Variants in ZNF28 observed in about 807,000 individuals in gnomAD.
ZNF28 encodes zinc finger protein KOX24.
In ZNF28, 5 loss-of-function variants were observed where a neutral mutation model predicts 7.2. That is an observed-to-expected ratio of 0.70 (90% confidence interval 0.36 to 1.46). The LOEUF is 1.46. ZNF28 is among the 40% of genes most tolerant of loss of function. The pLI is 0.03. For synonymous variants in ZNF28, 288 were observed against 292.4 expected, an observed-to-expected ratio of 0.99 and a Z score of 0.15; for missense variants, 879 against 866.6, an observed-to-expected ratio of 1.01 and a Z score of -0.18.
At position 52,800,637 on chromosome 19, in the gene ZNF28, C is replaced by A. The variant is rs57548937; in HGVS notation, c.1208G>T (p.Arg403Met). ...GTATGGTTTCTCTCCAGTATGAATC[C>A]TCTTATGTCTTTCAAGATGTGATTT... is the stretch of plus-strand genomic sequence containing the variant. ...SRKSHLERHK[R>M]IHTGEKPYKC... The change falls in exon 4 of 4, where the codon AGG becomes ATG. Residue 403 changes from arginine (R) to methionine (M), a missense_variant. By Grantham distance (91) the Arg-to-Met change is moderately conservative. Around this residue, in one of 2 missense-constraint regions of ZNF28, gnomAD observed 864 missense variants for 830.2 expected, o/e 1.04. Coordinates refer to ENST00000457749, the MANE Select transcript of ZNF28 (RefSeq NM_006969.5). 1,003 of 1,613,060 alleles carry A rather than the reference C, an allele frequency of 6.2e-4. 1 individual carries two copies. Among genetic ancestry groups the A allele is most frequent in the Admixed American group, 1.2e-3 (72 of 59,916 alleles).
rs1300982965 is a variant in ZNF28 at position 52,800,994 on chromosome 19, G to A, written c.851C>T (p.Thr284Ile). 2 of 1,614,160 alleles carry A rather than the reference G, an allele frequency of 1.2e-6. No homozygotes were observed. The highest frequency in any genetic ancestry group is 1.1e-5 in the South Asian group (1 of 91,084). ...AAGCGCCTTGTGAAGGAAGAGGGAT[G>A]TATTGTGACCAAAGATCTTGCCACA... ...NECGKIFGHNTSLFLHKALHT... is the reference protein window; with the variant it reads ...NECGKIFGHNISLFLHKALHT... Residue 284 changes from threonine to isoleucine, a missense_variant, in exon 4 of 4, where the codon ACA (threonine) becomes ATA (isoleucine). Transcript: ENST00000457749.
At chr19:52,821,563 A>C (rs1346650587) in intron 1 of ZNF28, 23 bp downstream of exon 1, 1 of 152,120 alleles carries the variant, frequency 6.6e-6, no homozygotes, top group African/African-American at 2.4e-5. Flanking sequence ...CTCAGACTTA[A>C]CACCACACAG....
rs1568659582 is a variant in ZNF28 at position 52,814,519 on chromosome 19, G to A, written c.15+3425C>T. The A allele has an allele frequency of 3.4e-5, 5 of 146,056 alleles. 1 individual carries two copies. In the South Asian group the frequency reaches 1.1e-3, roughly 34 times the overall value. 9.0% of individuals were successfully genotyped at this position (146,056 alleles called of 1,614,324 possible). Reference sequence around the variant, plus strand: ...TAAAACAGGAGAATCACTTGAACCTGGGAGGCAGAGGCTGCAGTGATCCGA... The same window carrying A: ...TAAAACAGGAGAATCACTTGAACCTAGGAGGCAGAGGCTGCAGTGATCCGA... On this transcript the variant is annotated intron_variant, in intron 2 of 3. Coordinates refer to ENST00000457749, the MANE Select transcript of ZNF28 (RefSeq NM_006969.5).
chr19:52,803,920 G>A (rs538102073), intron 3 of ZNF28, among the ~76,000 whole-genome samples: 1 of 152,102 alleles, frequency 6.6e-6, no homozygotes, highest in East Asian at 1.9e-4. Flanking sequence ...TCATGCCACT[G>A]CATTCCAGCC....
At chr19:52,807,759 G>C in intron 3 of ZNF28, 1 of 640,278 alleles carries the variant, frequency 1.6e-6, no homozygotes. Flanking sequence ...ACAGGCGTGA[G>C]CCACCACGAC....
Position 52,799,292 on chromosome 19 carries a change from T to C in ZNF28, c.*396A>G. On this transcript the variant is annotated 3_prime_UTR_variant, in exon 4 of 4. Transcript: ENST00000457749. Reference sequence around the variant, plus strand: ...TGTAAGGTTTCTCTCCAGTTTGAATTCTAATATGTTTTGCCAGGTATGAAT... The same window carrying C: ...TGTAAGGTTTCTCTCCAGTTTGAATCCTAATATGTTTTGCCAGGTATGAAT... The C allele has an allele frequency of 9.8e-6, 4 of 409,868 alleles. No homozygotes were observed. Among genetic ancestry groups the C allele is most frequent in the South Asian group, 2.6e-5 (1 of 37,838 alleles). 25.4% of individuals were successfully genotyped at this position (409,868 alleles called of 1,614,324 possible). A position where few individuals can be genotyped will look rare whatever the true frequency, so the allele number is the denominator to read the frequency against.
chr19:52,800,866 A>G lies in ZNF28; in HGVS notation c.979T>C (p.Tyr327His). ...GCTTTGTCACAAACCTTACATTTGT[A>G]TGGTTTCCCTCCAGTATAAATTATC... ...HKIIYTGGKP[Y>H]KCKVCDKAFT... Residue 327 changes from tyrosine (Y) to histidine (H), a missense_variant, in exon 4 of 4, where the codon TAC becomes CAC. Physicochemically the swap from Tyr to His is moderately conservative, Grantham distance 83. Transcript: ENST00000457749. The G allele has an allele frequency of 6.2e-7, 1 of 1,614,034 alleles. No homozygotes were observed. The highest frequency in any genetic ancestry group is 1.1e-5 in the South Asian group (1 of 91,084).
chr19:52,813,156 T>C (rs1477697539), intron 2 of ZNF28, among the ~76,000 whole-genome samples: 3 of 149,632 alleles, frequency 2.0e-5, no homozygotes, highest in African/African-American at 4.9e-5. Flanking sequence ...ACGCTACTCA[T>C]AGTAATTGCT....
At chr19:52,807,538 T>A (rs1331124823) in intron 3 of ZNF28, among the ~76,000 whole-genome samples, 1 of 152,178 alleles carries the variant, frequency 6.6e-6, no homozygotes, top group African/African-American at 2.4e-5. Context: ...CAGTGGTGTG[T>A]TCTCAGCTCA....
Position 52,799,749 on chromosome 19 carries a change from G to T in ZNF28, c.2096C>A (p.Thr699Asn). 6.2e-7 allele frequency: 1 copy of T among 1,613,668 alleles called. No individual in the cohort carries two copies. Among genetic ancestry groups the T allele is most frequent in the South Asian group, 1.1e-5 (1 of 91,038 alleles). ...KPYKCNECGK[T>N]FSQMSNLVYH... is the part of the protein sequence containing the mutation. ...TACAAGGTTTGACATCTGACTGAAG[G>T]TCTTGCCACACTCATTACACTTGTA... The change falls in exon 4 of 4, where the codon ACC becomes AAC. Residue 699 changes from threonine (T) to asparagine (N), a missense_variant. This residue lies in a region of ZNF28 where 15 missense variants were observed against 36.4 expected (regional missense o/e 0.41). Transcript: ENST00000457749.
At chr19:52,818,981 T>C (rs1256252537) in intron 1 of ZNF28, among the ~76,000 whole-genome samples, 1 of 138,448 alleles carries the variant, frequency 7.2e-6, no homozygotes, top group Non-Finnish European at 1.5e-5. Context: ...AGAGGGAACT[T>C]CAGATGGGGG....
chr19:52,821,364 T>C (rs1368053689), intron 1 of ZNF28, among the ~76,000 whole-genome samples: 8 of 151,930 alleles, frequency 5.3e-5, no homozygotes, highest in African/African-American at 1.7e-4. Flanking sequence ...AGGAAGTGTA[T>C]ACATTGCCCT....
chr19:52,807,556 A>C (rs1019497), intron 3 of ZNF28, among the ~76,000 whole-genome samples: 134,161 of 152,202 alleles, frequency 0.88, 59,365 homozygotes, highest in East Asian at 0.91. Flanking sequence ...TCAATGCAAA[A>C]CTTGGCCTCC....
chr19:52,816,468 T>C (rs533093833), intron 2 of ZNF28, among the ~76,000 whole-genome samples: 1 of 145,056 alleles, frequency 6.9e-6, no homozygotes, highest in South Asian at 2.3e-4. Flanking sequence ...ATTGAGACCA[T>C]CCTGGCTAAC....
intron 2 of ZNF28, chr19:52,814,436 C>T (rs976966427): frequency 6.9e-6 from 1 of 145,128 alleles, no homozygotes; most frequent in South Asian, 2.3e-4. Flanking sequence ...CCTAAAAATA[C>T]AAAAAAAATT....
At chr19:52,807,004 C>T (rs1048024541) in intron 3 of ZNF28, among the ~76,000 whole-genome samples, 2 of 152,144 alleles carry the variant, frequency 1.3e-5, no homozygotes, top group African/African-American at 4.8e-5. Context: ...TTTTCTTTTG[C>T]CACAGAATTC....
chr19:52,815,694 A>G (rs148166635), intron 2 of ZNF28, among the ~76,000 whole-genome samples: 9,209 of 145,432 alleles, frequency 0.063, 1,293 homozygotes, highest in African/African-American at 0.13. Context: ...GTGTGGTGGC[A>G]GGTGCCTGTG....
intron 2 of ZNF28, among the ~76,000 whole-genome samples, chr19:52,812,011 A>T (rs1326619945): frequency 3.1e-5 from 1 of 32,180 alleles, no homozygotes. Context: ...TCCGGGAGGG[A>T]GGTGGGGGGG....
rs538251788 is a variant in ZNF28 at position 52,807,408 on chromosome 19, C to T, written c.142+599G>A. ...ACATCGAGCTCTCTTCCAAGAACTA[C>T]AGAATCGAAAGCACAGGAGAAGCAA... is the stretch of plus-strand genomic sequence containing the variant. On this transcript the variant is annotated intron_variant, in intron 3 of 3. Transcript: ENST00000457749. 2.0e-5 allele frequency among the ~76,000 whole-genome samples: 3 copies of T among 152,316 alleles called. No homozygotes were observed. The East Asian group carries it at 5.8e-4, about 29-fold the overall frequency.
Sources: allele counts gnomAD v4.1 joint callset (sites outside exome capture counted in the v4.1 genomes callset), GRCh38; gene constraint gnomAD v4.1.1; regional missense constraint gnomAD v4.1.1; transcripts MANE v1.5; gene names NCBI Gene and HGNC (gene_info 2026-07-23, HGNC 2026-07-21).